Variants in PTK2B observed in about 807,000 individuals in gnomAD.
PTK2B encodes protein-tyrosine kinase 2-beta.
In PTK2B, 71 loss-of-function variants were observed where a neutral mutation model predicts 142.9. The observed-to-expected ratio is 0.50, with a 90% CI of 0.41 to 0.61. The LOEUF (loss-of-function observed/expected upper bound fraction) is 0.61, where lower values mean the gene tolerates loss of function less well. PTK2B is among the 20% of genes least tolerant of loss of function. PTK2B has a pLI of 0.00. For missense variants in PTK2B, 1,105 were observed against 1,320.4 expected (o/e 0.84, Z 2.53); for synonymous variants, 519 against 503.4 (o/e 1.03, Z -0.42).
intron 1 of PTK2B, among the ~76,000 whole-genome samples, chr8:27,387,035 C>A (rs1229109249): frequency 6.6e-6 from 1 of 152,052 alleles, no homozygotes; most frequent in East Asian, 1.9e-4. Context: ...TGTGTTTGAG[C>A]AGAATTCTGG....
chr8:27,415,835 C>T (rs1586274062), intron 2 of PTK2B, among the ~76,000 whole-genome samples: 2 of 152,028 alleles, frequency 1.3e-5, no homozygotes, highest in South Asian at 2.1e-4. Context: ...AAGACCTATA[C>T]AATATATATG....
chr8:27,348,163 CA>C (rs1804823788), intron 1 of PTK2B, among the ~76,000 whole-genome samples: 1 of 152,200 alleles, frequency 6.6e-6, no homozygotes, highest in South Asian at 2.1e-4. Context: ...GAAATATCCC[CA>C]AAGTTGAAAA....
chr8:27,434,470 G>A lies in PTK2B; in HGVS notation c.1146-43G>A, dbSNP rs143753930. On this transcript the variant is annotated intron_variant, in intron 12 of 30. Coordinates refer to ENST00000346049, the MANE Select transcript of PTK2B (RefSeq NM_173176.3). ...CGAGGCTGCCCAGGGGAACATTACC[G>A]GCCTCTGAGCTCACCTGGCTTCTGC... 7.6e-5 allele frequency: 120 copies of A among 1,584,842 alleles called. 1 individual carries two copies. The African/African-American group carries it at 1.1e-3, about 14-fold the overall frequency.
intron 23 of PTK2B, 48 bp from the exon 24 acceptor site, chr8:27,445,746 C>T (rs1373617165): frequency 2.5e-6 from 4 of 1,608,590 alleles, no homozygotes; most frequent in Admixed American, 1.7e-5. Flanking sequence ...AATTGTCTAC[C>T]TTCTCGCTTT....
At chr8:27,383,241 C>A (rs1272368650) in intron 1 of PTK2B, among the ~76,000 whole-genome samples, 1 of 151,820 alleles carries the variant, frequency 6.6e-6, no homozygotes, top group Non-Finnish European at 1.5e-5. Context: ...TTCTTCCCAC[C>A]CCCCCACTCT....
At chr8:27,389,455 C>T (rs914353728) in intron 1 of PTK2B, among the ~76,000 whole-genome samples, 1 of 152,146 alleles carries the variant, frequency 6.6e-6, no homozygotes, top group African/African-American at 2.4e-5. Flanking sequence ...AAAAATCTGG[C>T]TAGCTGCAGG....
chr8:27,317,784 C>T (rs1052938815), intron 3 of PTK2B, among the ~76,000 whole-genome samples: 5 of 152,164 alleles, frequency 3.3e-5, no homozygotes, highest in Non-Finnish European at 5.9e-5. Context: ...GTAGGCATTT[C>T]GGCTTTCGAC....
rs1281596521 is a variant in PTK2B, at chr8:27,459,085, C to T, written c.*576C>T. On this transcript the variant is annotated 3_prime_UTR_variant, in exon 31 of 31. Coordinates refer to ENST00000346049, the MANE Select transcript of PTK2B (RefSeq NM_173176.3). ...CCTGAGGGAGGACCTGGGGCACAGT[C>T]CAGGAACAAGCTAATTGGGAGTCCA... 1 of 245,020 alleles carries T rather than the reference C, an allele frequency of 4.1e-6. No homozygotes were observed. The highest frequency in any genetic ancestry group is 8.1e-6 in the Non-Finnish European group (1 of 123,794). The allele number at this position is 245,020 out of a possible 1,614,324, so 15.2% of individuals were successfully genotyped here.
At chr8:27,343,078 C>T (rs1482173961) in intron 1 of PTK2B, among the ~76,000 whole-genome samples, 2 of 152,174 alleles carry the variant, frequency 1.3e-5, no homozygotes, top group Admixed American at 6.5e-5. Flanking sequence ...GATTACTGAT[C>T]TGTATCGCTC....
At chr8:27,420,788 C>G in intron 4 of PTK2B, 44 bp downstream of exon 4, 1 of 1,513,584 alleles carries the variant, frequency 6.6e-7, no homozygotes, top group Non-Finnish European at 9.2e-7. Flanking sequence ...CCCATTACAC[C>G]TCAAATGCCA....
chr8:27,442,759 G>A, intron 21 of PTK2B, 116 bp from the exon 22 acceptor site: 1 of 801,192 alleles, frequency 1.2e-6, no homozygotes, highest in East Asian at 2.6e-5. Flanking sequence ...AAACGGAAAT[G>A]GGACCTAGCA....
chr8:27,317,551 A>T (rs1803120545), intron 3 of PTK2B, among the ~76,000 whole-genome samples: 1 of 152,124 alleles, frequency 6.6e-6, no homozygotes, highest in Admixed American at 6.5e-5. Context: ...TTTTGCTGTC[A>T]TTGTAAATGG....
upstream of PTK2B, among the ~76,000 whole-genome samples, chr8:27,322,020 C>A (rs1011704211): frequency 6.6e-6 from 1 of 151,268 alleles, no homozygotes; most frequent in Non-Finnish European, 1.5e-5. Context: ...AATGGACTAT[C>A]ACTCTGTCAC....
upstream of PTK2B, chr8:27,311,416 G>A: frequency 2.7e-6 from 2 of 752,744 alleles, no homozygotes; most frequent in Non-Finnish European, 4.1e-6. Flanking sequence ...GGGGGCGCTC[G>A]GAGGAGCCCC....
chr8:27,351,659 A>G (rs1392158651), intron 1 of PTK2B, among the ~76,000 whole-genome samples: 1 of 152,236 alleles, frequency 6.6e-6, no homozygotes, highest in African/African-American at 2.4e-5. Flanking sequence ...TTGCAATGTA[A>G]AACTTTCCAT....
At chr8:27,352,639 G>A (rs1287814612) in intron 1 of PTK2B, among the ~76,000 whole-genome samples, 1 of 152,196 alleles carries the variant, frequency 6.6e-6, no homozygotes, top group Non-Finnish European at 1.5e-5. Flanking sequence ...GAGGGACCCG[G>A]TGGGAGGTAA....
At chr8:27,319,526 C>T (rs1295201470) in intron 3 of PTK2B, among the ~76,000 whole-genome samples, 1 of 151,262 alleles carries the variant, frequency 6.6e-6, no homozygotes, top group Admixed American at 6.6e-5. Context: ...CGCCTGTAGT[C>T]CCAGCTACTC....
At chr8:27,328,499 A>T (rs1236684503) in intron 1 of PTK2B, among the ~76,000 whole-genome samples, 3 of 152,202 alleles carry the variant, frequency 2.0e-5, no homozygotes, top group Non-Finnish European at 2.9e-5. Context: ...TAGGTTAAAA[A>T]TGGTCCTTCT....
At position 27,342,109 on chromosome 8, in the gene PTK2B, C is replaced by T. The variant is rs545123148; in HGVS notation, c.-38+16428C>T. 2.0e-5 allele frequency among the ~76,000 whole-genome samples: 3 copies of T among 152,220 alleles called. No individual in the cohort carries two copies. In the South Asian group the frequency reaches 6.2e-4, roughly 32 times the overall value. On this transcript the variant is annotated intron_variant, in intron 1 of 30. Coordinates refer to ENST00000346049, the MANE Select transcript of PTK2B (RefSeq NM_173176.3). ...GGCCTGGGAACCCCACTTTGAGAACCACTGCAGTGGAGGTCCCCCACAGGG... is the reference window on the plus strand; with the variant it reads ...GGCCTGGGAACCCCACTTTGAGAACTACTGCAGTGGAGGTCCCCCACAGGG...
Sources: allele counts gnomAD v4.1 joint callset (sites outside exome capture counted in the v4.1 genomes callset), GRCh38; gene constraint gnomAD v4.1.1; transcripts MANE v1.5; gene names NCBI Gene and HGNC (gene_info 2026-07-23, HGNC 2026-07-21).